Variants in BCOR observed in about 807,000 individuals in gnomAD.
BCOR encodes the protein BCL-6 corepressor.
A neutral mutation model predicts 86.7 loss-of-function variants in BCOR; 10 were observed. That is an observed-to-expected ratio of 0.12 (90% confidence interval 0.07 to 0.20). The LOEUF (loss-of-function observed/expected upper bound fraction) is 0.20, where lower values mean the gene tolerates loss of function less well. BCOR is among the 10% of genes least tolerant of loss of function. BCOR has a pLI of 1.00. For synonymous variants in BCOR, 611 were observed against 609.0 expected (o/e 1.00, Z -0.05); for missense variants, 1,259 against 1,452.1 (o/e 0.87, Z 2.16).
chrX:40,106,250 G>A (rs1937181474), intron 1 of BCOR, among the ~76,000 whole-genome samples: 1 of 110,404 alleles, frequency 9.1e-6, no homozygotes, highest in South Asian at 3.9e-4. Flanking sequence ...CCGGGAAGGC[G>A]TTGTTTTGCC....
chrX:40,110,183 A>G (rs1937276036), intron 1 of BCOR, among the ~76,000 whole-genome samples: 1 of 112,303 alleles, frequency 8.9e-6, no homozygotes, highest in Non-Finnish European at 1.9e-5. Flanking sequence ...ATCTTAATTT[A>G]TATTTCAATA....
intron 1 of BCOR, among the ~76,000 whole-genome samples, chrX:40,127,704 T>TA (rs766583274): frequency 0.019 from 1,825 of 95,037 alleles, 46 homozygotes; most frequent in African/African-American, 0.066. Flanking sequence ...GACCCTGTCT[T>TA]AAAAAAAAAA....
At chrX:40,075,381 C>G (rs1379912019) in intron 3 of BCOR, among the ~76,000 whole-genome samples, 1 of 111,515 alleles carries the variant, frequency 9.0e-6, no homozygotes, top group Non-Finnish European at 1.9e-5. Flanking sequence ...GCCTTCTCAC[C>G]TCTCAACTAG....
intron 4 of BCOR, chrX:40,071,905 CTTTT>C: frequency 5.5e-6 from 2 of 364,667 alleles, no homozygotes; most frequent in East Asian, 9.1e-5. Context: ...AACCTTTTTT[CTTTT>C]TTTTTTCCTT....
intron 1 of BCOR, among the ~76,000 whole-genome samples, chrX:40,152,012 C>A (rs1938177381): frequency 8.9e-6 from 1 of 111,738 alleles, no homozygotes; most frequent in Non-Finnish European, 1.9e-5. Flanking sequence ...GGCAGCGCTG[C>A]GCCGACGAGA....
chrX:40,078,568 C>T (rs1034982505), intron 1 of BCOR, among the ~76,000 whole-genome samples: 1 of 111,881 alleles, frequency 8.9e-6, no homozygotes, highest in African/African-American at 3.3e-5. Flanking sequence ...GCTGGTGAGC[C>T]GCCCCACCAG....
chrX:40,064,238 G>C (rs1017639941), intron 7 of BCOR, 98 bp downstream of exon 7: 14 of 1,137,124 alleles, frequency 1.2e-5, no homozygotes, highest in African/African-American at 7.1e-5. Context: ...CTCTGTCTAC[G>C]GGGGCAGCGC....
intron 6 of BCOR, among the ~76,000 whole-genome samples, chrX:40,069,753 G>C (rs1187429854): frequency 1.8e-5 from 2 of 112,307 alleles, no homozygotes; most frequent in Non-Finnish European, 3.8e-5. Context: ...GAGGAGGAAG[G>C]CTTTCTTTGC....
chrX:40,159,162 G>A (rs1938361636), intron 1 of BCOR, among the ~76,000 whole-genome samples: 1 of 112,064 alleles, frequency 8.9e-6, no homozygotes, highest in Admixed American at 9.4e-5. Flanking sequence ...CTGAAAAGTT[G>A]TTGTTTAGGA....
rs1935525202 is a variant in BCOR at position 40,072,495 on chromosome X, C to T, written c.2851G>A (p.Asp951Asn). 2 of 1,212,006 alleles carry T rather than the reference C, an allele frequency of 1.7e-6. No homozygotes were observed. Among genetic ancestry groups the T allele is most frequent in the Non-Finnish European group, 2.2e-6 (2 of 895,575 alleles). ...KDGADEAESN[D>N]GKVLKPKPSK... ...GGCTTCGGTTTCAGAACTTTGCCAT[C>T]ATTTGATTCAGCCTCATCAGCTCCA... is the stretch of plus-strand genomic sequence containing the variant. The change falls in exon 4 of 15, where the codon GAT (aspartate) becomes AAT (asparagine). Residue 951 changes from aspartate to asparagine, a missense_variant. Physicochemically the swap from Asp to Asn is conservative, Grantham distance 23. Around this residue, in one of 7 missense-constraint regions of BCOR, gnomAD observed 534 missense variants for 594.8 expected, o/e 0.90. Transcript: ENST00000378444.
chrX:40,123,386 CTT>C (rs1438244056), intron 1 of BCOR, among the ~76,000 whole-genome samples: 2 of 109,122 alleles, frequency 1.8e-5, no homozygotes, highest in African/African-American at 3.4e-5. Context: ...CAGTTTCACT[CTT>C]GTCACCCAGA....
rs928347347 is a variant in BCOR at position 40,070,958 on chromosome X, C to T, written c.3238+15G>A. On this transcript the variant is annotated intron_variant, in intron 6 of 14. Coordinates refer to ENST00000378444, the MANE Select transcript of BCOR (RefSeq NM_001123385.2). ...ACCTGAGGCCAACACAAGCAAACTG[C>T]TCAGGTTTACTTACATCTCTCACTT... The T allele has an allele frequency of 3.3e-6, 4 of 1,207,477 alleles. No individual in the cohort carries two copies. The highest frequency in any genetic ancestry group is 2.9e-4 in the Middle Eastern group (1 of 3,430).
chrX:40,072,163 T>C (rs1569154557), intron 4 of BCOR, 186 bp downstream of exon 4: 1 of 464,565 alleles, frequency 2.2e-6, no homozygotes, highest in Non-Finnish European at 3.7e-6. Flanking sequence ...ACTTAAAGCA[T>C]CCAGACACGC....
intron 1 of BCOR, among the ~76,000 whole-genome samples, chrX:40,158,654 A>T (rs1335140980): frequency 8.9e-6 from 1 of 112,910 alleles, no homozygotes; most frequent in Non-Finnish European, 1.9e-5. Context: ...CTGTCCCCAG[A>T]GGCAACCTGC....
At chrX:40,115,046 G>A (rs1440767438) in intron 1 of BCOR, among the ~76,000 whole-genome samples, 1 of 109,857 alleles carries the variant, frequency 9.1e-6, no homozygotes, top group Non-Finnish European at 1.9e-5. Flanking sequence ...TAGAGACGGG[G>A]TTTCATTGTG....
chrX:40,169,703 T>C (rs908437265), intron 1 of BCOR, among the ~76,000 whole-genome samples: 1 of 110,714 alleles, frequency 9.0e-6, no homozygotes, highest in East Asian at 2.8e-4. Flanking sequence ...TTTACGCAGA[T>C]CGAGTCGCCC....
intron 1 of BCOR, among the ~76,000 whole-genome samples, chrX:40,155,646 G>T (rs978091170): frequency 1.3e-4 from 15 of 111,952 alleles, no homozygotes; most frequent in Middle Eastern, 4.7e-3. Flanking sequence ...AGGGGGTGTG[G>T]GGGGGGGAAA....
chrX:40,110,968 C>T (rs1387159276), intron 1 of BCOR, among the ~76,000 whole-genome samples: 1 of 110,150 alleles, frequency 9.1e-6, no homozygotes, highest in African/African-American at 3.3e-5. Context: ...CAGCCACGGC[C>T]TCCCAAAGTG....
rs183486714 is a variant in BCOR at position 40,091,912 on chromosome X, C to A, written c.-41+5303G>T. Among the ~76,000 whole-genome samples the A allele has an allele frequency of 1.5e-3, 175 of 113,258 alleles. 1 individual carries two copies. The highest frequency in any genetic ancestry group is 5.4e-3 in the African/African-American group (168 of 31,304). On this transcript the variant is annotated intron_variant, in intron 1 of 14. Coordinates refer to ENST00000378444, the MANE Select transcript of BCOR (RefSeq NM_001123385.2). ...GCTTTGGGCGAGGCCCCCACCGGGC[C>A]CGATCCAGAAGATGGGCTGGGGCAC...
Sources: allele counts gnomAD v4.1 joint callset (sites outside exome capture counted in the v4.1 genomes callset), GRCh38; gene constraint gnomAD v4.1.1; regional missense constraint gnomAD v4.1.1; transcripts MANE v1.5; gene names NCBI Gene and HGNC (gene_info 2026-07-23, HGNC 2026-07-21).